SNX17: variants seen among roughly 807,000 people sequenced by gnomAD.
The protein encoded by SNX17 is sorting nexin 17.
In SNX17, 35 loss-of-function variants were observed where a neutral mutation model predicts 64.3. The observed-to-expected ratio is 0.54, with a 90% CI of 0.42 to 0.72. SNX17 has a LOEUF of 0.72. Among genes scored for constraint, SNX17 ranks in the 30% least tolerant of loss-of-function variants. The probability of loss-of-function intolerance (pLI) is 0.00; values close to 1 mark genes in which losing one functional copy is unlikely to be tolerated. For synonymous variants in SNX17, 259 were observed against 230.2 expected (o/e 1.13, Z -1.13); for missense variants, 538 against 610.0 (o/e 0.88, Z 1.24).
chr2:27,372,679 C>T lies in SNX17; in HGVS notation c.195C>T (p.Phe65=). 6.2e-7 allele frequency: 1 copy of T among 1,614,204 alleles called. No homozygotes were observed. Among genetic ancestry groups the T allele is most frequent in the Non-Finnish European group, 8.5e-7 (1 of 1,180,028 alleles). ...VLPAFPPKKL[F]SLTPAEVEQR... ...CTGCATTCCCCCCAAAGAAGCTTTT[C>T]TCTCTGACTCCTGCTGAGGTAGAAC... The change falls in exon 3 of 15, where the codon TTC becomes TTT. Residue 65 remains phenylalanine, a synonymous_variant. Transcript: ENST00000233575.
chr2:27,376,292 G>A (rs1003346734), intron 12 of SNX17, 21 bp from the exon 13 acceptor site: 2 of 1,611,490 alleles, frequency 1.2e-6, no homozygotes, highest in Non-Finnish European at 1.7e-6. Context: ...GCCCTCACCG[G>A]CACCTTGTGT....
intron 2 of SNX17, among the ~76,000 whole-genome samples, chr2:27,371,801 TCTC>T (rs920585673): frequency 3.3e-5 from 5 of 152,220 alleles, no homozygotes; most frequent in Admixed American, 2.6e-4. Context: ...ATGCAATGTT[TCTC>T]CTCCTTCCTT....
intron 7 of SNX17, 23 bp from the exon 8 acceptor site, chr2:27,374,666 C>A: frequency 6.2e-7 from 1 of 1,613,052 alleles, no homozygotes; most frequent in Non-Finnish European, 8.5e-7. Flanking sequence ...CCCATTACCC[C>A]TTTCCACCCC....
Position 27,375,718 on chromosome 2 carries a change from G to C in SNX17, c.978+9G>C, listed in dbSNP as rs754789792. On this transcript the variant is annotated intron_variant, in intron 10 of 14. Coordinates refer to ENST00000233575, the MANE Select transcript of SNX17 (RefSeq NM_014748.4). This position sits in a 1 kb window ranked among gnomAD's most constrained non-coding sequence, Gnocchi z 4.1. ...GGCGGGTCACCTCCTCTGTGAGTCG[G>C]GTTAGGAGGGGGAAGGGCCTGGGTT... 3.4e-5 allele frequency: 55 copies of C among 1,613,588 alleles called. No individual in the cohort carries two copies. The Admixed American group carries it at 4.7e-4, about 14-fold the overall frequency.
intron 4 of SNX17, 182 bp downstream of exon 4, chr2:27,373,493 G>A: frequency 1.6e-6 from 1 of 613,272 alleles, no homozygotes; most frequent in Non-Finnish European, 2.8e-6. Context: ...CTCCCAAGTA[G>A]CTAGAATTAC....
intron 12 of SNX17, 36 bp from the exon 13 acceptor site, chr2:27,376,277 A>C (rs1379799616): frequency 6.2e-7 from 1 of 1,611,802 alleles, no homozygotes; most frequent in Non-Finnish European, 8.5e-7. Context: ...AGGGGAAGTG[A>C]TCCTGCCCTC....
Position 27,371,312 on chromosome 2 carries a change from G to T in SNX17, c.107G>T (p.Arg36Leu). Residue 36 changes from arginine (R) to leucine (L), a missense_variant, in exon 2 of 15, where the codon CGC (arginine) becomes CTC (leucine). This residue lies in a region of SNX17 where 6 missense variants were observed against 21.4 expected (regional missense o/e 0.28). Coordinates refer to ENST00000233575, the MANE Select transcript of SNX17 (RefSeq NM_014748.4). Reference protein sequence around the residue: ...HVNGVLHCRVRYSQLLGLHEQ... With the variant: ...HVNGVLHCRVLYSQLLGLHEQ... The stretch of plus-strand genomic sequence containing the variant: ...AATGGAGTCCTGCACTGTCGGGTGC[G>T]CTACAGCCAGCTCCTGGGGCTGCAC... 1 of 1,613,106 alleles carries T rather than the reference G, an allele frequency of 6.2e-7. No individual in the cohort carries two copies.
At chr2:27,374,206 A>G (rs1341242931) in intron 6 of SNX17, 31 bp downstream of exon 6, 1 of 1,591,862 alleles carries the variant, frequency 6.3e-7, no homozygotes, top group South Asian at 1.1e-5. Flanking sequence ...CTGCAGTACA[A>G]GGGTACTTCA....
In SNX17 at chr2:27,374,722, G is replaced by A; in HGVS notation, c.645G>A (p.Met215Ile). The A allele has an allele frequency of 6.2e-7, 1 of 1,614,160 alleles. No individual in the cohort carries two copies. Among genetic ancestry groups the A allele is most frequent in the Non-Finnish European group, 8.5e-7 (1 of 1,180,034 alleles). ...ACTCTGCCTATGATGACGATGTCAT[G>A]GAGAACCGGGTTGGCCTGAACCTGC... ...YWDSAYDDDV[M>I]ENRVGLNLLY... Residue 215 changes from methionine to isoleucine, a missense_variant, in exon 8 of 15, where the codon ATG (methionine) becomes ATA (isoleucine). By Grantham distance (10) the Met-to-Ile change is conservative. Coordinates refer to ENST00000233575, the MANE Select transcript of SNX17 (RefSeq NM_014748.4).
chr2:27,373,669 T>C (rs1682867714), intron 4 of SNX17, among the ~76,000 whole-genome samples, 192 bp from the exon 5 acceptor site: 1 of 152,176 alleles, frequency 6.6e-6, no homozygotes, highest in African/African-American at 2.4e-5. Context: ...AGCCAGGCCA[T>C]GTCATCTTAA....
At chr2:27,373,008 G>A in intron 3 of SNX17, 1 of 1,517,844 alleles carries the variant, frequency 6.6e-7, no homozygotes, top group South Asian at 1.2e-5. Context: ...TATCTGATGT[G>A]CTTTAGATTA....
At chr2:27,373,078 G>T (rs181319126) in intron 3 of SNX17, 169 bp from the exon 4 acceptor site, 2 of 1,554,072 alleles carry the variant, frequency 1.3e-6, no homozygotes, top group Admixed American at 3.9e-5. Context: ...AGCCAAGGGT[G>T]GGGCAGGTGA....
At chr2:27,374,847 C>G in intron 8 of SNX17, 89 bp downstream of exon 8, 2 of 1,307,408 alleles carry the variant, frequency 1.5e-6, no homozygotes, top group Non-Finnish European at 2.2e-6. Flanking sequence ...TGTCTTTGTT[C>G]CCAATTTGTG....
rs560324766 is a variant in SNX17 at position 27,377,416 on chromosome 2, C to G, written c.*697C>G. ...GCAAGGTCCCCTGGTCCATATGGGC[C>G]CCCCCGCCCATGGGGTTGGGCTGGT... is the stretch of plus-strand genomic sequence containing the variant. On this transcript the variant is annotated 3_prime_UTR_variant, in exon 15 of 15. Transcript: ENST00000233575. The surrounding 1 kb of genome is among the most constrained non-coding windows in gnomAD (Gnocchi z 4.4). 2 of 1,026,842 alleles carry G rather than the reference C, an allele frequency of 1.9e-6. No individual in the cohort carries two copies. Among genetic ancestry groups the G allele is most frequent in the African/African-American group, 1.6e-5 (1 of 63,430 alleles). 63.6% of individuals were successfully genotyped at this position (1,026,842 alleles called of 1,614,324 possible).
chr2:27,373,067 CAGCCA>C, intron 3 of SNX17, 175 bp from the exon 4 acceptor site: 1 of 1,550,744 alleles, frequency 6.4e-7, no homozygotes, highest in Non-Finnish European at 8.7e-7. Context: ...ACCTAGATGG[CAGCCA>C]AGGGTGGGGC....
chr2:27,376,751 C>T lies in SNX17; in HGVS notation c.*32C>T. The T allele has an allele frequency of 6.3e-7, 1 of 1,578,244 alleles. No homozygotes were observed. Among genetic ancestry groups the T allele is most frequent in the Non-Finnish European group, 8.7e-7 (1 of 1,148,862 alleles). The stretch of plus-strand genomic sequence containing the variant: ...CTGCTTGGATGTCTGCCCTCTACCC[C>T]AGAGGAATTTACAGAAACTTGCCCT... On this transcript the variant is annotated 3_prime_UTR_variant, in exon 15 of 15. Coordinates refer to ENST00000233575, the MANE Select transcript of SNX17 (RefSeq NM_014748.4).
chr2:27,374,955 G>C lies in SNX17; in HGVS notation c.682-106G>C, dbSNP rs147306278. On this transcript the variant is annotated intron_variant, in intron 8 of 14. Transcript: ENST00000233575. The stretch of plus-strand genomic sequence containing the variant: ...ATCAAGGACTTACTGCAGAGAGGTC[G>C]CTCAAGTGTGGGGCTAGGGGTCAGG... The C allele has an allele frequency of 4.0e-4, 441 of 1,100,436 alleles. 7 individuals are homozygous for C. In the East Asian group the frequency reaches 0.011, roughly 26 times the overall value. 68.2% of individuals were successfully genotyped at this position (1,100,436 alleles called of 1,614,324 possible).
In SNX17 at chr2:27,370,812, G is replaced by C. The variant is rs1434250206; in HGVS notation, c.63+6G>C. 6.5e-7 allele frequency: 1 copy of C among 1,540,682 alleles called. No homozygotes were observed. The highest frequency in any genetic ancestry group is 8.7e-7 in the Non-Finnish European group (1 of 1,145,510). Reference sequence around the variant, plus strand: ...GCGGCGGCTCCGCCTACGTGGTGAGGAGCGGCCGGAGCCGAGCCGGGCCGG... The same window carrying C: ...GCGGCGGCTCCGCCTACGTGGTGAGCAGCGGCCGGAGCCGAGCCGGGCCGG... On this transcript the variant is annotated splice_donor_region_variant and intron_variant, in intron 1 of 14. Coordinates refer to ENST00000233575, the MANE Select transcript of SNX17 (RefSeq NM_014748.4).
chr2:27,376,212 A>C (rs373530375), intron 12 of SNX17, 29 bp downstream of exon 12: 106 of 1,613,530 alleles, frequency 6.6e-5, no homozygotes, highest in Non-Finnish European at 8.7e-5. Flanking sequence ...CTGAGCAGTG[A>C]GCAGGTGTGC....
Sources: allele counts gnomAD v4.1 joint callset (sites outside exome capture counted in the v4.1 genomes callset), GRCh38; gene constraint gnomAD v4.1.1; regional missense constraint gnomAD v4.1.1; non-coding constraint Gnocchi (gnomAD v3.1); transcripts MANE v1.5; gene names NCBI Gene and HGNC (gene_info 2026-07-23, HGNC 2026-07-21).